The following CIT variants were observed in gnomAD, a reference collection of about 807,000 sequenced individuals.
CIT encodes citron Rho-interacting kinase.
Under a neutral mutation model 272.7 loss-of-function variants are expected in CIT, and 79 were observed. That is an observed-to-expected ratio of 0.29 (90% confidence interval 0.24 to 0.35). The LOEUF (loss-of-function observed/expected upper bound fraction) is 0.35, where lower values mean the gene tolerates loss of function less well. Ranked by LOEUF, CIT falls within the 10% of genes least tolerant of loss-of-function variation. CIT has a pLI of 1.00. For synonymous variants in CIT, 948 were observed against 995.6 expected (o/e 0.95, Z 0.90); for missense variants, 1,909 against 2,618.3 (o/e 0.73, Z 5.91).
chr12:119,718,479 C>T lies in CIT; in HGVS notation c.4004-70G>A, dbSNP rs1324952193. The T allele has an allele frequency of 5.9e-6, 9 of 1,534,470 alleles. No homozygotes were observed. The African/African-American group carries it at 8.3e-5, about 14-fold the overall frequency. ...TAGAGGACCAAACTAAGCCGAATGT[C>T]CCTGGGCTATCTTTCAAGGACCCAA... On this transcript the variant is annotated intron_variant, in intron 31 of 47. Coordinates refer to ENST00000392521, the MANE Select transcript of CIT (RefSeq NM_001206999.2). The surrounding 1 kb of genome is among the most constrained non-coding windows in gnomAD (Gnocchi z 4.8).
At chr12:119,824,560 C>T (rs372473803) in intron 8 of CIT, among the ~76,000 whole-genome samples, 4 of 152,140 alleles carry the variant, frequency 2.6e-5, no homozygotes, top group Admixed American at 2.6e-4. Flanking sequence ...GCTGAGATTC[C>T]GTGAAATACA....
At chr12:119,792,719 C>T (rs1373251120) in intron 10 of CIT, among the ~76,000 whole-genome samples, 1 of 152,178 alleles carries the variant, frequency 6.6e-6, no homozygotes, top group Admixed American at 6.5e-5. Context: ...ATGATCCACC[C>T]GCCTCGGCCT....
At chr12:119,871,118 T>TAA (rs34650406) in intron 2 of CIT, among the ~76,000 whole-genome samples, 3,095 of 142,710 alleles carry the variant, frequency 0.022, 116 homozygotes, top group African/African-American at 0.07. Flanking sequence ...CAGTCTGTCT[T>TAA]AAAAAAAAAA....
chr12:119,777,860 G>C (rs993829146), intron 13 of CIT, among the ~76,000 whole-genome samples: 1 of 151,986 alleles, frequency 6.6e-6, no homozygotes, highest in African/African-American at 2.4e-5. Context: ...TTCCGCCAAG[G>C]GTAATCATTT....
intron 3 of CIT, among the ~76,000 whole-genome samples, chr12:119,861,354 AGCGG>A (rs1294012264): frequency 1.3e-5 from 2 of 151,990 alleles, no homozygotes; most frequent in East Asian, 1.9e-4. Context: ...GGGAGGCTGA[AGCGG>A]GTGGATCACC....
intron 46 of CIT, among the ~76,000 whole-genome samples, chr12:119,696,658 C>A (rs1316500835): frequency 6.6e-6 from 1 of 152,128 alleles, no homozygotes; most frequent in Non-Finnish European, 1.5e-5. Flanking sequence ...TCCAGAGTAG[C>A]CGGGATTACA....
chr12:119,719,622 C>T (rs1324717253), intron 30 of CIT, among the ~76,000 whole-genome samples: 1 of 152,178 alleles, frequency 6.6e-6, no homozygotes, highest in African/African-American at 2.4e-5. Flanking sequence ...GCCCTTACAG[C>T]GAAGATGGCA....
Position 119,775,837 on chromosome 12 carries a change from G to A in CIT, c.1890C>T (p.Ile630=), listed in dbSNP as rs1414046793. 1 of 1,612,238 alleles carries A rather than the reference G, an allele frequency of 6.2e-7. No homozygotes were observed. The highest frequency in any genetic ancestry group is 1.1e-5 in the South Asian group (1 of 90,766). The change falls in exon 16 of 48, where the codon ATC becomes ATT. Residue 630 remains isoleucine (I), a splice_region_variant and synonymous_variant. Transcript: ENST00000392521. ...EVGEYAKLEK[I]NAEQQLKIQE... ...GAATTTTGAGCTGCTGCTCAGCATTGATCTATAATTAAAATCCCAGGAAAT... is the reference window on the plus strand; with the variant it reads ...GAATTTTGAGCTGCTGCTCAGCATTAATCTATAATTAAAATCCCAGGAAAT...
intron 9 of CIT, among the ~76,000 whole-genome samples, chr12:119,822,592 GC>G (rs1171079406): frequency 6.6e-6 from 1 of 152,042 alleles, no homozygotes; most frequent in Non-Finnish European, 1.5e-5. Flanking sequence ...TATTCTAAAG[GC>G]CACATAAACA....
At chr12:119,875,078 A>G (rs986722941) in intron 2 of CIT, among the ~76,000 whole-genome samples, 3 of 152,306 alleles carry the variant, frequency 2.0e-5, no homozygotes, top group African/African-American at 7.2e-5. Flanking sequence ...TGTGACAAGT[A>G]GATCACTTGA....
chr12:119,709,766 G>GAGAGAGAA lies in CIT; in HGVS notation c.5071+484_5071+485insTTCTCTCT, dbSNP rs796819748. Among the ~76,000 whole-genome samples the GAGAGAGAA allele has an allele frequency of 4.2e-3, 202 of 48,086 alleles. 2 individuals are homozygous for GAGAGAGAA. The highest frequency in any genetic ancestry group is 0.015 in the African/African-American group (180 of 11,840). 31.5% of individuals were successfully genotyped at this position (48,086 alleles called of 152,430 possible). On this transcript the variant is annotated intron_variant, in intron 39 of 47. Transcript: ENST00000392521. ...TAACTCTCAAATGGTTCAGGAAAGA[G>GAGAGAGAA]AGAGAGAGAGAGAGAGAGAGAGTGT...
intron 26 of CIT, among the ~76,000 whole-genome samples, chr12:119,733,895 G>T (rs1369786059): frequency 1.3e-5 from 2 of 152,100 alleles, no homozygotes; most frequent in Non-Finnish European, 2.9e-5. Flanking sequence ...AGAAAACAGA[G>T]GTATTTGCCC....
rs542997772 is a variant in CIT at position 119,776,494 on chromosome 12, G to A, written c.1837-86C>T. Reference sequence around the variant, plus strand: ...CTACTTTCTTGGTCTCTGTGACCAAGATAATAATAGTAAATAAGAATAATG... The same window carrying A: ...CTACTTTCTTGGTCTCTGTGACCAAAATAATAATAGTAAATAAGAATAATG... On this transcript the variant is annotated intron_variant, in intron 14 of 47. Transcript: ENST00000392521. 9.0e-6 allele frequency: 11 copies of A among 1,218,956 alleles called. No homozygotes were observed. In the African/African-American group the frequency reaches 1.5e-4, roughly 17 times the overall value. 75.5% of individuals were successfully genotyped at this position (1,218,956 alleles called of 1,614,324 possible).
intron 5 of CIT, among the ~76,000 whole-genome samples, chr12:119,849,306 A>G (rs972140394): frequency 1.3e-5 from 2 of 152,080 alleles, no homozygotes; most frequent in African/African-American, 2.4e-5. Context: ...ACGTGCCTGT[A>G]ATCCCAGCTA....
intron 27 of CIT, among the ~76,000 whole-genome samples, chr12:119,730,224 G>A (rs1029171889): frequency 6.6e-6 from 1 of 151,906 alleles, no homozygotes; most frequent in Non-Finnish European, 1.5e-5. Flanking sequence ...AGAACACCCA[G>A]ATCAAAATTC....
In CIT at chr12:119,688,014, G is replaced by A. The variant is rs569495109; in HGVS notation, c.*218C>T. On this transcript the variant is annotated 3_prime_UTR_variant, in exon 48 of 48. Coordinates refer to ENST00000392521, the MANE Select transcript of CIT (RefSeq NM_001206999.2). ...AAGTGCAAAGAGATGACTGCAGGGA[G>A]GTGCCCAGGGCAGGCACCGGGCGCT... The A allele has an allele frequency of 1.7e-6, 1 of 605,546 alleles. No homozygotes were observed. Among genetic ancestry groups the A allele is most frequent in the Non-Finnish European group, 3.0e-6 (1 of 337,310 alleles). The allele number at this position is 605,546 out of a possible 1,614,324, so 37.5% of individuals were successfully genotyped here.
chr12:119,742,890 C>CACACACAT (rs1277262415), intron 23 of CIT: 2 of 155,362 alleles, frequency 1.3e-5, no homozygotes, highest in Admixed American at 1.3e-4. Flanking sequence ...CACACACACA[C>CACACACAT]ACACATACAC....
rs1264513399 is a variant in CIT at position 119,690,806 on chromosome 12, A to T, written c.5883-352T>A. Among the ~76,000 whole-genome samples, 2 of 152,226 alleles carry T rather than the reference A, an allele frequency of 1.3e-5. No individual in the cohort carries two copies. Among genetic ancestry groups the T allele is most frequent in the Non-Finnish European group, 2.9e-5 (2 of 68,040 alleles). The stretch of plus-strand genomic sequence containing the variant: ...CAAGCATGACCCTCACTGTACAGGC[A>T]AGAAAATGGGGACAGACAGGAGTTA... On this transcript the variant is annotated intron_variant, in intron 46 of 47. Coordinates refer to ENST00000392521, the MANE Select transcript of CIT (RefSeq NM_001206999.2). This position sits in a 1 kb window ranked among gnomAD's most constrained non-coding sequence, Gnocchi z 6.0.
chr12:119,779,562 C>T (rs575969825), intron 13 of CIT, among the ~76,000 whole-genome samples: 1 of 152,210 alleles, frequency 6.6e-6, no homozygotes, highest in Non-Finnish European at 1.5e-5. Flanking sequence ...GAAAGCCAGT[C>T]CTGGCTACAG....
Sources: allele counts gnomAD v4.1 joint callset (sites outside exome capture counted in the v4.1 genomes callset), GRCh38; gene constraint gnomAD v4.1.1; non-coding constraint Gnocchi (gnomAD v3.1); transcripts MANE v1.5; gene names NCBI Gene and HGNC (gene_info 2026-07-23, HGNC 2026-07-21).